The following CPXM2 variants were observed in gnomAD, a reference collection of about 807,000 sequenced individuals.
CPXM2 encodes the protein carboxypeptidase X, M14 family member 2.
CPXM2 carries 66 observed loss-of-function variants against 86.1 expected under a neutral mutation model. That is an observed-to-expected ratio of 0.77 (90% confidence interval 0.63 to 0.94). The LOEUF (loss-of-function observed/expected upper bound fraction) is 0.94. Ranked by LOEUF, CPXM2 falls within the 40% of genes least tolerant of loss-of-function variation. CPXM2 has a pLI of 0.00. For synonymous variants in CPXM2, 388 were observed against 400.2 expected (o/e 0.97, Z 0.36); for missense variants, 948 against 1,026.3 (o/e 0.92, Z 1.04).
intron 5 of CPXM2, 127 bp from the exon 6 acceptor site, chr10:123,798,253 GAAAAA>G: frequency 5.3e-5 from 20 of 375,470 alleles, no homozygotes; most frequent in Middle Eastern, 7.1e-4. Flanking sequence ...GCATTGAAAA[GAAAAA>G]AAAAAAAAAA....
intron 7 of CPXM2, chr10:123,777,139 G>A (rs910295412): frequency 1.3e-5 from 2 of 152,286 alleles, no homozygotes; most frequent in African/African-American, 4.8e-5. Flanking sequence ...GTGCAAGTGG[G>A]TGGGTCAGCC....
chr10:123,775,207 C>T (rs969782701), intron 7 of CPXM2, among the ~76,000 whole-genome samples: 7 of 152,326 alleles, frequency 4.6e-5, no homozygotes, highest in Non-Finnish European at 8.8e-5. Context: ...ATTTGCTGCA[C>T]ACTGTGACCA....
At chr10:123,763,526 T>G (rs2133991548) in intron 10 of CPXM2, among the ~76,000 whole-genome samples, 1 of 152,016 alleles carries the variant, frequency 6.6e-6, no homozygotes. Flanking sequence ...ATATATCGTT[T>G]GGGTTTACTT....
intron 6 of CPXM2, among the ~76,000 whole-genome samples, chr10:123,794,430 G>A (rs977662038): frequency 2.0e-5 from 3 of 152,286 alleles, no homozygotes; most frequent in African/African-American, 4.8e-5. Context: ...GCCTAGTGGG[G>A]TAATCATGTG....
chr10:123,934,163 G>A lies in CPXM2; in HGVS notation n.174+5314C>T, dbSNP rs771383115. Among the ~76,000 whole-genome samples the A allele has an allele frequency of 7.6e-4, 116 of 152,142 alleles. 2 individuals are homozygous for A. The highest frequency in any genetic ancestry group is 3.8e-4 in the Non-Finnish European group (26 of 68,030). ...GAAATGCTGGCAGATGCCCAAGAGG[G>A]TCTGCTGTACCCAATGACACCGAGC... is the stretch of plus-strand genomic sequence containing the variant. On this transcript the variant is annotated intron_variant and non_coding_transcript_variant, in intron 2 of 19. Coordinates refer to the CPXM2 transcript ENST00000368854.
At chr10:123,850,352 C>A (rs540192035) in intron 3 of CPXM2, among the ~76,000 whole-genome samples, 1 of 152,310 alleles carries the variant, frequency 6.6e-6, no homozygotes, top group African/African-American at 2.4e-5. Flanking sequence ...TCTGTGGTTT[C>A]TCTTTCCATG....
At chr10:123,750,126 T>C (rs2362676) in intron 13 of CPXM2, 929,714 of 985,162 alleles carry the variant, frequency 0.94, 439,096 homozygotes, top group Non-Finnish European at 0.95. Flanking sequence ...TTCTAGAGTT[T>C]ATTTTTAATA....
chr10:123,901,914 C>G (rs1309861276), intron 2 of CPXM2, among the ~76,000 whole-genome samples: 1 of 152,126 alleles, frequency 6.6e-6, no homozygotes, highest in Non-Finnish European at 1.5e-5. Context: ...CGGAGGTAAG[C>G]GGGGCTGAAT....
Position 123,867,953 on chromosome 10 carries a change from A to AT in CPXM2, c.404-5231dup, listed in dbSNP as rs200153074. Among the ~76,000 whole-genome samples the AT allele has an allele frequency of 8.3e-3, 1,263 of 152,362 alleles. 10 individuals are homozygous for AT. The highest frequency in any genetic ancestry group is 0.029 in the African/African-American group (1,189 of 41,576). ...TACAGTGGGGAGAAAATTATGCAGGATGAGGAAACCACTTGCAAAGCATGC... is the reference window on the plus strand; with the variant it reads ...TACAGTGGGGAGAAAATTATGCAGGATTGAGGAAACCACTTGCAAAGCATGC... On this transcript the variant is annotated intron_variant, in intron 2 of 13. Coordinates refer to ENST00000241305, the MANE Select transcript of CPXM2 (RefSeq NM_198148.3).
intron 4 of CPXM2, among the ~76,000 whole-genome samples, chr10:123,800,028 GTTTTT>G (rs530876054): frequency 1.8e-5 from 2 of 109,598 alleles, no homozygotes; most frequent in South Asian, 3.1e-4. Flanking sequence ...TAGTTTTTTG[GTTTTT>G]TTTTTTTTTT....
chr10:123,758,865 C>T (rs1488251858), intron 11 of CPXM2, among the ~76,000 whole-genome samples: 4 of 152,136 alleles, frequency 2.6e-5, no homozygotes, highest in African/African-American at 4.8e-5. Flanking sequence ...CCTTCATTCT[C>T]ACTTAGTGCA....
At chr10:123,875,849 C>T (rs1208223518) in intron 2 of CPXM2, among the ~76,000 whole-genome samples, 1 of 133,772 alleles carries the variant, frequency 7.5e-6, no homozygotes, top group Non-Finnish European at 1.5e-5. Flanking sequence ...CAGAGTCTCG[C>T]TCTGTCACCC....
intron 2 of CPXM2, among the ~76,000 whole-genome samples, chr10:123,902,284 A>T (rs1041598481): frequency 6.6e-6 from 1 of 152,012 alleles, no homozygotes; most frequent in Non-Finnish European, 1.5e-5. Flanking sequence ...TCCCATTCTG[A>T]CTCTTCCCAC....
chr10:123,903,939 C>T (rs1945408491), intron 2 of CPXM2, among the ~76,000 whole-genome samples: 1 of 152,158 alleles, frequency 6.6e-6, no homozygotes, highest in South Asian at 2.1e-4. Context: ...AGACATGAGC[C>T]CCTCCTGCCA....
chr10:123,773,233 A>G (rs533993277), intron 7 of CPXM2, among the ~76,000 whole-genome samples: 48 of 129,458 alleles, frequency 3.7e-4, no homozygotes, highest in East Asian at 1.0e-3. Flanking sequence ...TGTGGTTATC[A>G]CTTCCCTGGT....
At chr10:123,789,280 G>T (rs1309513067) in intron 6 of CPXM2, among the ~76,000 whole-genome samples, 1 of 152,196 alleles carries the variant, frequency 6.6e-6, no homozygotes, top group Non-Finnish European at 1.5e-5. Flanking sequence ...CCGCCCCACA[G>T]GGCCCCTCAG....
rs1344401589 is a variant in CPXM2 at position 123,842,436 on chromosome 10, T to G, written c.566A>C (p.Asn189Thr). Reference sequence around the variant, plus strand: ...CACTTCAATCCACTGCTGGAGGTCATTTCTTCCCGCGCACCACGCTCCGTC... The same window carrying G: ...CACTTCAATCCACTGCTGGAGGTCAGTTCTTCCCGCGCACCACGCTCCGTC... The part of the protein sequence containing the change: ...FYDGAWCAGR[N>T]DLQQWIEVDA... Residue 189 changes from asparagine to threonine, a missense_variant, in exon 4 of 14, where the codon AAT becomes ACT. By Grantham distance (65) the Asn-to-Thr change is moderately conservative. Coordinates refer to ENST00000241305, the MANE Select transcript of CPXM2 (RefSeq NM_198148.3). 1 of 1,614,212 alleles carries G rather than the reference T, an allele frequency of 6.2e-7. No individual in the cohort carries two copies. The highest frequency in any genetic ancestry group is 8.5e-7 in the Non-Finnish European group (1 of 1,180,026).
chr10:123,909,398 A>G (rs1214941607), intron 2 of CPXM2, among the ~76,000 whole-genome samples: 3 of 152,208 alleles, frequency 2.0e-5, no homozygotes, highest in African/African-American at 7.2e-5. Context: ...CTCTTTGCCA[A>G]AATCTGTGTT....
intron 6 of CPXM2, among the ~76,000 whole-genome samples, chr10:123,782,462 G>A (rs761629352): frequency 6.6e-6 from 1 of 152,160 alleles, no homozygotes; most frequent in Non-Finnish European, 1.5e-5. Context: ...CTTCCTCAAG[G>A]CTAATAGGGC....
Sources: allele counts gnomAD v4.1 joint callset (sites outside exome capture counted in the v4.1 genomes callset), GRCh38; gene constraint gnomAD v4.1.1; transcripts MANE v1.5; gene names NCBI Gene and HGNC (gene_info 2026-07-23, HGNC 2026-07-21).